Variants in AGBL1 observed in about 807,000 individuals in gnomAD.
AGBL1 encodes the protein cytosolic carboxypeptidase 4.
A neutral mutation model predicts 118.9 loss-of-function variants in AGBL1; 130 were observed. The observed-to-expected ratio is 1.09, with a 90% CI of 0.95 to 1.26. The LOEUF is 1.26. AGBL1 is among the 50% of genes most tolerant of loss of function. The pLI, the probability that AGBL1 is intolerant of heterozygous loss-of-function variation, is 0.00. For missense variants in AGBL1, 1,584 were observed against 1,298.1 expected, an observed-to-expected ratio of 1.22 and a Z score of -3.38; for synonymous variants, 555 against 478.9, an observed-to-expected ratio of 1.16 and a Z score of -2.08.
At chr15:86,831,815 G>C (rs1428924944) in intron 22 of AGBL1, among the ~76,000 whole-genome samples, 1 of 152,172 alleles carries the variant, frequency 6.6e-6, no homozygotes, top group East Asian at 1.9e-4. Context: ...GCCCCAGTGG[G>C]GAAATCTGTG....
At chr15:86,648,917 T>C (rs1014292923) in intron 21 of AGBL1, among the ~76,000 whole-genome samples, 2 of 152,116 alleles carry the variant, frequency 1.3e-5, no homozygotes, top group Non-Finnish European at 2.9e-5. Flanking sequence ...GTAATGGGTG[T>C]GAGATTATAA....
intron 17 of AGBL1, among the ~76,000 whole-genome samples, chr15:86,372,317 C>T (rs191702016): frequency 2.0e-5 from 3 of 152,272 alleles, no homozygotes; most frequent in Non-Finnish European, 4.4e-5. Context: ...TCTTTCCCTC[C>T]TTCCCTCCTC....
intron 6 of AGBL1, among the ~76,000 whole-genome samples, chr15:86,230,707 A>G (rs1653013372): frequency 6.6e-6 from 1 of 152,188 alleles, no homozygotes; most frequent in African/African-American, 2.4e-5. Flanking sequence ...TGTTTTTAAA[A>G]ATTCGTTCTT....
intron 18 of AGBL1, among the ~76,000 whole-genome samples, chr15:86,483,037 G>T (rs966657088): frequency 1.3e-5 from 2 of 151,924 alleles, no homozygotes; most frequent in African/African-American, 2.4e-5. Flanking sequence ...TATGCTGAGA[G>T]GGGTGGCTGA....
exon 25 of AGBL1, chr15:87,028,978 C>T (rs116954466): frequency 0.025 from 21,778 of 863,986 alleles, 365 homozygotes; most frequent in Non-Finnish European, 0.031. Flanking sequence ...TCCCTGCACT[C>T]CCTTATCTAG....
intron 22 of AGBL1, among the ~76,000 whole-genome samples, chr15:86,785,145 G>C (rs1047948963): frequency 2.0e-5 from 3 of 152,020 alleles, no homozygotes; most frequent in Admixed American, 6.5e-5. Context: ...AAGCTAAGGA[G>C]GAATAGGAGA....
At chr15:86,955,160 T>A (rs1305160295) in intron 23 of AGBL1, among the ~76,000 whole-genome samples, 4 of 152,246 alleles carry the variant, frequency 2.6e-5, no homozygotes, top group African/African-American at 9.6e-5. Context: ...CAAATTTATA[T>A]GTATATTTAC....
rs1216705973 is a variant in AGBL1, at chr15:86,080,358, A to G, written c.51+335A>G. The stretch of plus-strand genomic sequence containing the variant: ...GGGGACCTGTTGAGGCTCCTCCTGA[A>G]TAAGGCTGGAGACCTGCTGAGAGCA... On this transcript the variant is annotated intron_variant, in intron 1 of 22. Coordinates refer to ENST00000614907, the MANE Select transcript of AGBL1 (RefSeq NM_001386094.1). 2.0e-5 allele frequency: 4 copies of G among 196,968 alleles called. No individual in the cohort carries two copies. The Admixed American group carries it at 2.4e-4, about 12-fold the overall frequency. The allele number at this position is 196,968 out of a possible 1,614,324, so 12.2% of individuals were successfully genotyped here. A position where few individuals can be genotyped will look rare whatever the true frequency, so the allele number is the denominator to read the frequency against.
rs16939720 is a variant in AGBL1 at position 87,014,673 on chromosome 15, G to C, written c.3324-14152G>C. On this transcript the variant is annotated intron_variant, in intron 24 of 24. Coordinates refer to the AGBL1 transcript ENST00000441037. The stretch of plus-strand genomic sequence containing the variant: ...AAGGAAGAGGTACAGAAGAGTACCC[G>C]GATATTTCAATGCATTTTATTCCTG... 2.6e-5 allele frequency among the ~76,000 whole-genome samples: 4 copies of C among 152,160 alleles called. No homozygotes were observed. In the South Asian group the frequency reaches 8.3e-4, roughly 32 times the overall value.
chr15:86,134,780 AT>A (rs553937534), intron 1 of AGBL1, among the ~76,000 whole-genome samples: 4 of 151,198 alleles, frequency 2.6e-5, no homozygotes, highest in Non-Finnish European at 5.9e-5. Context: ...CGCCCAGTTA[AT>A]TTTTTTAATT....
chr15:86,679,888 C>G (rs184981380), intron 22 of AGBL1, among the ~76,000 whole-genome samples: 1 of 152,090 alleles, frequency 6.6e-6, no homozygotes, highest in East Asian at 1.9e-4. Flanking sequence ...ATGTATCTGG[C>G]TGTGATCTGA....
chr15:86,081,752 C>A (rs1366577829), intron 1 of AGBL1, among the ~76,000 whole-genome samples: 1 of 152,156 alleles, frequency 6.6e-6, no homozygotes, highest in Non-Finnish European at 1.5e-5. Flanking sequence ...GAAAATATCT[C>A]ATGGACAGAA....
chr15:87,004,515 G>A (rs376874059), intron 24 of AGBL1, among the ~76,000 whole-genome samples: 2 of 152,004 alleles, frequency 1.3e-5, no homozygotes, highest in African/African-American at 4.8e-5. Context: ...TATAACCCCT[G>A]CCTTTTTTTG....
chr15:86,211,454 A>G (rs2078096683), intron 5 of AGBL1, among the ~76,000 whole-genome samples: 1 of 152,218 alleles, frequency 6.6e-6, no homozygotes, highest in Non-Finnish European at 1.5e-5. Context: ...GCTGGGGTCT[A>G]CAGAGGCAGC....
chr15:86,228,067 A>G (rs1013357312), intron 6 of AGBL1, among the ~76,000 whole-genome samples: 7 of 152,212 alleles, frequency 4.6e-5, no homozygotes, highest in African/African-American at 1.4e-4. Flanking sequence ...TATTGATGGC[A>G]TGAAGGGTCT....
chr15:86,456,174 A>G (rs2082256407), intron 18 of AGBL1, among the ~76,000 whole-genome samples: 1 of 152,200 alleles, frequency 6.6e-6, no homozygotes, highest in Admixed American at 6.5e-5. Flanking sequence ...AAGCAAAACA[A>G]TGGCATAGCT....
chr15:86,670,627 A>ACACACAC (rs34089053), intron 21 of AGBL1, among the ~76,000 whole-genome samples: 1 of 93,418 alleles, frequency 1.1e-5, no homozygotes, highest in Non-Finnish European at 2.1e-5. Flanking sequence ...ACACACACAC[A>ACACACAC]AACACGCTGT....
In AGBL1 at chr15:86,640,927, TTC is replaced by T. The variant is rs1470622872; in HGVS notation, c.2995-33345_2995-33344del. On this transcript the variant is annotated intron_variant, in intron 21 of 22. Transcript: ENST00000614907. ...TTTCTGATTATTTGATACAAAAATA[TTC>T]ACACTTAGTTTTGTTTTTATTTTTT... Among the ~76,000 whole-genome samples the T allele has an allele frequency of 4.0e-5, 6 of 151,434 alleles. No individual in the cohort carries two copies. In the East Asian group the frequency reaches 1.2e-3, roughly 30 times the overall value.
At chr15:86,257,099 G>T in intron 8 of AGBL1, 81 bp downstream of exon 8, 1 of 1,403,126 alleles carries the variant, frequency 7.1e-7, no homozygotes, top group Non-Finnish European at 9.7e-7. Context: ...GGTGAAAATA[G>T]AATTCGTTAT....
Sources: allele counts gnomAD v4.1 joint callset (sites outside exome capture counted in the v4.1 genomes callset), GRCh38; gene constraint gnomAD v4.1.1; transcripts MANE v1.5; gene names NCBI Gene and HGNC (gene_info 2026-07-23, HGNC 2026-07-21).